The following EBF3 variants were observed in gnomAD, a reference collection of about 807,000 sequenced individuals.
EBF3 encodes EBF transcription factor 3.
Under a neutral mutation model 77.1 loss-of-function variants are expected in EBF3, and 18 were observed. That is an observed-to-expected ratio of 0.23 (90% CI 0.16 to 0.35). The LOEUF (loss-of-function observed/expected upper bound fraction) is 0.35, where lower values mean the gene tolerates loss of function less well. Ranked by LOEUF, EBF3 falls within the 10% of genes least tolerant of loss-of-function variation. The pLI, the probability that EBF3 is intolerant of heterozygous loss-of-function variation, is 1.00. For missense variants in EBF3, 558 were observed against 860.0 expected, an observed-to-expected ratio of 0.65 and a Z score of 4.39; for synonymous variants, 350 against 343.5, an observed-to-expected ratio of 1.02 and a Z score of -0.21.
chr10:129,933,927 C>T (rs7909214), intron 6 of EBF3, among the ~76,000 whole-genome samples: 11,897 of 152,262 alleles, frequency 0.078, 1,241 homozygotes, highest in African/African-American at 0.24. Flanking sequence ...CCCCCTCCAG[C>T]AGCTTCACGG....
chr10:129,891,586 A>T (rs978326331), intron 6 of EBF3, among the ~76,000 whole-genome samples: 7 of 152,220 alleles, frequency 4.6e-5, no homozygotes, highest in African/African-American at 1.7e-4. Context: ...TTTTTGCAGA[A>T]GTCAGAGTTA....
At chr10:129,941,227 T>G (rs1857713304) in intron 6 of EBF3, among the ~76,000 whole-genome samples, 1 of 152,244 alleles carries the variant, frequency 6.6e-6, no homozygotes, top group Non-Finnish European at 1.5e-5. Flanking sequence ...AAACCCATGA[T>G]GGGCTTAGCG....
intron 6 of EBF3, among the ~76,000 whole-genome samples, chr10:129,912,622 A>G (rs1276081870): frequency 6.6e-6 from 1 of 152,208 alleles, no homozygotes; most frequent in Non-Finnish European, 1.5e-5. Context: ...ATCGACAAGA[A>G]TATATTTTTT....
At position 129,886,190 on chromosome 10, in the gene EBF3, C is replaced by A. The variant is rs183981126; in HGVS notation, c.555-8341G>T. On this transcript the variant is annotated intron_variant, in intron 6 of 16. Coordinates refer to ENST00000440978, the MANE Select transcript of EBF3 (RefSeq NM_001375380.1). Reference sequence around the variant, plus strand: ...TAGGCTGAATTATTAATAAAAAAATCACATTTTAAATCAAGCCTGTGCATG... The same window carrying A: ...TAGGCTGAATTATTAATAAAAAAATAACATTTTAAATCAAGCCTGTGCATG... 2.0e-5 allele frequency among the ~76,000 whole-genome samples: 3 copies of A among 152,194 alleles called. No homozygotes were observed. The East Asian group carries it at 5.8e-4, about 29-fold the overall frequency.
intron 6 of EBF3, among the ~76,000 whole-genome samples, chr10:129,884,854 A>AGCC (rs1159627000): frequency 6.6e-6 from 1 of 152,206 alleles, no homozygotes; most frequent in East Asian, 1.9e-4. Context: ...GCTCTACTGT[A>AGCC]GCCGAGCCCG....
At chr10:129,948,258 TCA>T (rs1491168871) in intron 6 of EBF3, among the ~76,000 whole-genome samples, 1 of 32,146 alleles carries the variant, frequency 3.1e-5, no homozygotes, top group Non-Finnish European at 5.8e-5. Flanking sequence ...AAACTCCGTC[TCA>T]AAAAAAAAAA....
chr10:129,910,492 T>A (rs1273586031), intron 6 of EBF3, among the ~76,000 whole-genome samples: 1 of 152,096 alleles, frequency 6.6e-6, no homozygotes. Flanking sequence ...AAAATCCAAA[T>A]TGGAAGGGTC....
intron 10 of EBF3, among the ~76,000 whole-genome samples, chr10:129,862,352 G>A (rs1851700490): frequency 6.6e-6 from 1 of 152,126 alleles, no homozygotes; most frequent in African/African-American, 2.4e-5. Context: ...GCCGTCAAGA[G>A]CTCCCTGTGT....
At chr10:129,959,629 C>T (rs1426992869) in intron 4 of EBF3, among the ~76,000 whole-genome samples, 2 of 152,094 alleles carry the variant, frequency 1.3e-5, no homozygotes, top group African/African-American at 4.8e-5. Context: ...CCCAGGCGCC[C>T]GCGGGGAGCA....
At chr10:129,937,682 G>A (rs1046296739) in intron 6 of EBF3, among the ~76,000 whole-genome samples, 17 of 151,606 alleles carry the variant, frequency 1.1e-4, no homozygotes, top group Non-Finnish European at 1.0e-4. Flanking sequence ...GGGGACTGCA[G>A]GTCACATCTG....
intron 6 of EBF3, among the ~76,000 whole-genome samples, chr10:129,893,215 A>G (rs1854141765): frequency 6.6e-6 from 1 of 152,246 alleles, no homozygotes. Context: ...GTAATCAATA[A>G]GGAGTAAATA....
At chr10:129,933,746 G>T (rs1401738547) in intron 6 of EBF3, among the ~76,000 whole-genome samples, 1 of 152,176 alleles carries the variant, frequency 6.6e-6, no homozygotes, top group African/African-American at 2.4e-5. Context: ...TCTACAGCAG[G>T]GTCAGAGCCC....
At chr10:129,930,551 A>G (rs1856942905) in intron 6 of EBF3, among the ~76,000 whole-genome samples, 2 of 144,256 alleles carry the variant, frequency 1.4e-5, no homozygotes, top group Admixed American at 6.8e-5. Flanking sequence ...TCATATACCT[A>G]TATCTATACC....
At chr10:129,959,909 C>T (rs1013076820) in intron 4 of EBF3, among the ~76,000 whole-genome samples, 1 of 152,158 alleles carries the variant, frequency 6.6e-6, no homozygotes, top group Admixed American at 6.5e-5. Context: ...AAACTGCTAA[C>T]AGTGATTTTT....
chr10:129,912,740 C>G (rs553366576), intron 6 of EBF3, among the ~76,000 whole-genome samples: 1 of 152,252 alleles, frequency 6.6e-6, no homozygotes, highest in African/African-American at 2.4e-5. Context: ...CAAGGCCCCT[C>G]TCTTCTGACA....
intron 6 of EBF3, among the ~76,000 whole-genome samples, chr10:129,886,033 A>ATTTTTTTTTTTTTTTTTT (rs59542647): frequency 7.9e-6 from 1 of 126,298 alleles, no homozygotes; most frequent in Non-Finnish European, 1.7e-5. Flanking sequence ...TTTGGTTTTA[A>ATTTTTTTTTTTTTTTTTT]TTTTTTTTTT....
intron 6 of EBF3, among the ~76,000 whole-genome samples, chr10:129,956,688 G>GT (rs1410737311): frequency 6.6e-6 from 1 of 152,214 alleles, no homozygotes; most frequent in Admixed American, 6.5e-5. Flanking sequence ...GTTGGAACAT[G>GT]TAACCAGCAT....
chr10:129,962,568 CTCTT>C (rs1859609682), intron 3 of EBF3, among the ~76,000 whole-genome samples: 4 of 151,362 alleles, frequency 2.6e-5, no homozygotes, highest in Non-Finnish European at 4.4e-5. Context: ...AGAGGCTGAA[CTCTT>C]TCTAATGTCT....
chr10:129,846,525 T>A (rs1207244012), intron 11 of EBF3, among the ~76,000 whole-genome samples: 1 of 151,674 alleles, frequency 6.6e-6, no homozygotes, highest in East Asian at 2.0e-4. Context: ...CTTGTGACAC[T>A]TACGGCTGAT....
Sources: gnomAD v4.1 joint callset for allele counts (sites outside exome capture counted in the v4.1 genomes callset) on GRCh38, gnomAD v4.1.1 for gene constraint, MANE v1.5 for transcripts, NCBI Gene and HGNC (gene_info 2026-07-23, HGNC 2026-07-21) for gene names.